Variants in UCK2 observed in about 807,000 individuals in gnomAD.
UCK2 encodes the protein uridine-cytidine kinase 2.
UCK2 carries 6 observed loss-of-function variants against 30.8 expected under a neutral mutation model. The observed-to-expected ratio is 0.19, with a 90% CI of 0.11 to 0.38. The LOEUF (loss-of-function observed/expected upper bound fraction) is 0.38. UCK2 is among the 10% of genes least tolerant of loss of function. The probability of loss-of-function intolerance (pLI) is 1.00; values close to 1 mark genes in which losing one functional copy is unlikely to be tolerated. For missense variants in UCK2, 210 were observed against 339.8 expected (o/e 0.62, Z 3.00); for synonymous variants, 125 against 133.6 (o/e 0.94, Z 0.45).
intron 4 of UCK2, among the ~76,000 whole-genome samples, chr1:165,900,854 G>A (rs573527409): frequency 2.6e-5 from 4 of 152,220 alleles, no homozygotes; most frequent in African/African-American, 7.2e-5. Flanking sequence ...AGCATCAGGC[G>A]TTTGCAGGGC....
chr1:165,880,144 G>T (rs970784843), intron 1 of UCK2, among the ~76,000 whole-genome samples: 1 of 152,144 alleles, frequency 6.6e-6, no homozygotes, highest in South Asian at 2.1e-4. Flanking sequence ...GGAAAGATTC[G>T]GCAGAGGATC....
At chr1:165,884,297 C>A (rs1004655185) in intron 1 of UCK2, among the ~76,000 whole-genome samples, 7 of 152,346 alleles carry the variant, frequency 4.6e-5, no homozygotes, top group African/African-American at 1.7e-4. Context: ...CAACCTGGAG[C>A]CGATTGGCTG....
At chr1:165,882,813 G>A (rs1281262562) in intron 1 of UCK2, among the ~76,000 whole-genome samples, 1 of 152,032 alleles carries the variant, frequency 6.6e-6, no homozygotes, top group African/African-American at 2.4e-5. Flanking sequence ...GACACATTCA[G>A]ACCTTAACAC....
chr1:165,863,332 C>T (rs1312041456), intron 1 of UCK2, among the ~76,000 whole-genome samples: 1 of 152,204 alleles, frequency 6.6e-6, no homozygotes, highest in Non-Finnish European at 1.5e-5. Flanking sequence ...GCTTCAGAAA[C>T]ATAGACTTTT....
intron 1 of UCK2, among the ~76,000 whole-genome samples, chr1:165,874,175 C>T (rs1044974985): frequency 1.3e-5 from 2 of 152,156 alleles, no homozygotes; most frequent in African/African-American, 4.8e-5. Flanking sequence ...CTTGATGCTG[C>T]CCTCATAAGC....
intron 4 of UCK2, among the ~76,000 whole-genome samples, chr1:165,901,603 A>G (rs1647468735): frequency 6.6e-6 from 1 of 152,162 alleles, no homozygotes; most frequent in African/African-American, 2.4e-5. Flanking sequence ...AGCCACTGCA[A>G]ATGATTGTAG....
chr1:165,850,760 A>G (rs1235338602), intron 1 of UCK2, among the ~76,000 whole-genome samples: 1 of 151,054 alleles, frequency 6.6e-6, no homozygotes, highest in Non-Finnish European at 1.5e-5. Context: ...CTGAGACTAC[A>G]GGCGCCCGCC....
intron 4 of UCK2, among the ~76,000 whole-genome samples, chr1:165,898,374 C>T (rs1204197430): frequency 6.6e-6 from 1 of 152,166 alleles, no homozygotes; most frequent in Non-Finnish European, 1.5e-5. Context: ...AGGTAAAATG[C>T]CTGGTGGTGC....
Position 165,890,292 on chromosome 1 carries a change from G to C in UCK2, c.188G>C (p.Ser63Thr), listed in dbSNP as rs1655733312. The change falls in exon 2 of 7, where the codon AGC (serine) becomes ACC (threonine). Residue 63 changes from serine (S) to threonine (T), a missense_variant. By Grantham distance (58) the Ser-to-Thr change is moderately conservative. Transcript: ENST00000367879. ...QKQVVILSQD[S>T]FYRVLTSEQK... ...CAGGTGGTCATCCTGAGCCAGGATA[G>C]CTTCTACCGTGTCCTTACCTCGGAG... 1 of 1,614,186 alleles carries C rather than the reference G, an allele frequency of 6.2e-7. No individual in the cohort carries two copies. The highest frequency in any genetic ancestry group is 8.5e-7 in the Non-Finnish European group (1 of 1,180,038).
intron 1 of UCK2, among the ~76,000 whole-genome samples, chr1:165,859,823 A>G (rs1654849490): frequency 1.3e-5 from 2 of 152,060 alleles, no homozygotes; most frequent in Non-Finnish European, 2.9e-5. Context: ...AATAAGATCA[A>G]TGGGTTGGAA....
intron 1 of UCK2, among the ~76,000 whole-genome samples, chr1:165,881,335 C>T (rs150467159): frequency 3.9e-5 from 6 of 152,232 alleles, no homozygotes; most frequent in African/African-American, 1.4e-4. Flanking sequence ...CCCCTGTCCT[C>T]ATATGTACTT....
In UCK2 at chr1:165,850,479, G is replaced by T. The variant is rs1654561284; in HGVS notation, c.99+22547G>T. Among the ~76,000 whole-genome samples the T allele has an allele frequency of 2.7e-5, 4 of 149,724 alleles. No individual in the cohort carries two copies. In the South Asian group the frequency reaches 8.5e-4, roughly 32 times the overall value. ...CTTAGAGACAAGGTCTTGCTCTGTT[G>T]CCCAGGCTGGAGTGCAGTGGCATGA... On this transcript the variant is annotated intron_variant, in intron 1 of 6. Coordinates refer to ENST00000367879, the MANE Select transcript of UCK2 (RefSeq NM_012474.5).
intron 1 of UCK2, among the ~76,000 whole-genome samples, chr1:165,842,027 A>T (rs1372557053): frequency 6.6e-6 from 1 of 152,212 alleles, no homozygotes; most frequent in Non-Finnish European, 1.5e-5. Flanking sequence ...TTCTTGCTAA[A>T]GTCACCAGTA....
At chr1:165,828,860 T>C (rs1437249145) in intron 1 of UCK2, among the ~76,000 whole-genome samples, 5 of 152,180 alleles carry the variant, frequency 3.3e-5, no homozygotes, top group African/African-American at 1.2e-4. Flanking sequence ...ATGTGGCTAC[T>C]TGTTTTTCCC....
In UCK2 at chr1:165,874,972, C is replaced by T. The variant is rs1307578441; in HGVS notation, c.100-15232C>T. Among the ~76,000 whole-genome samples, 3 of 147,838 alleles carry T rather than the reference C, an allele frequency of 2.0e-5. No homozygotes were observed. In the South Asian group the frequency reaches 6.4e-4, roughly 32 times the overall value. ...ATAGTATGATAATGTAGTTTTGTGC[C>T]GTTTTATAGACGTGAAGAAAATAAA... On this transcript the variant is annotated intron_variant, in intron 1 of 6. Transcript: ENST00000367879.
At chr1:165,837,411 T>C (rs1264252877) in intron 1 of UCK2, among the ~76,000 whole-genome samples, 1 of 152,148 alleles carries the variant, frequency 6.6e-6, no homozygotes, top group Non-Finnish European at 1.5e-5. Flanking sequence ...TTTGGTGGGG[T>C]TCTGAAAGAC....
At chr1:165,857,583 G>A (rs1430636920) in intron 1 of UCK2, among the ~76,000 whole-genome samples, 3 of 152,152 alleles carry the variant, frequency 2.0e-5, no homozygotes, top group East Asian at 3.9e-4. Flanking sequence ...GATTGCAAAG[G>A]GGGTGCGGGC....
chr1:165,850,613 T>A (rs1369645965), intron 1 of UCK2, among the ~76,000 whole-genome samples: 4 of 112,440 alleles, frequency 3.6e-5, no homozygotes, highest in Non-Finnish European at 6.9e-5. Flanking sequence ...GACTAATTTT[T>A]AAATTTTTTT....
chr1:165,904,201 C>G (rs1466001000), intron 5 of UCK2: 1 of 152,232 alleles, frequency 6.6e-6, no homozygotes, highest in Non-Finnish European at 1.5e-5. Flanking sequence ...CCTATTTATT[C>G]TAACAATAAA....
Sources: allele counts gnomAD v4.1 joint callset (sites outside exome capture counted in the v4.1 genomes callset), GRCh38; gene constraint gnomAD v4.1.1; transcripts MANE v1.5; gene names NCBI Gene and HGNC (gene_info 2026-07-23, HGNC 2026-07-21).